Variants in CLVS1 observed in about 807,000 individuals in gnomAD.
CLVS1 encodes clavesin 1, also known as clavesin-1.
A neutral mutation model predicts 33.1 loss-of-function variants in CLVS1; 10 were observed. The observed-to-expected ratio is 0.30, with a 90% CI of 0.19 to 0.51. CLVS1 has a LOEUF of 0.51. Among genes scored for constraint, CLVS1 ranks in the 20% least tolerant of loss-of-function variants. The pLI is 0.97. For synonymous variants in CLVS1, 163 were observed against 166.1 expected (o/e 0.98, Z 0.14); for missense variants, 343 against 433.4 (o/e 0.79, Z 1.85).
chr8:61,127,344 A>G (rs928644470), intron 1 of CLVS1, among the ~76,000 whole-genome samples: 4 of 151,878 alleles, frequency 2.6e-5, no homozygotes, highest in Non-Finnish European at 4.4e-5. Context: ...CCTCCTGAGT[A>G]GAGTAGCTGG....
chr8:61,048,551 A>G, the CLVS1 span, among the ~76,000 whole-genome samples: 5 of 152,070 alleles, frequency 3.3e-5, no homozygotes, highest in East Asian at 3.9e-4. Context: ...TTCTCCCCCA[A>G]ATTTCCCTCA....
chr8:61,148,144 C>T (rs1806455573), intron 2 of CLVS1, among the ~76,000 whole-genome samples: 1 of 152,158 alleles, frequency 6.6e-6, no homozygotes, highest in South Asian at 2.1e-4. Flanking sequence ...TTCTTTGGGT[C>T]CTGAATGAAT....
chr8:60,999,218 CA>C, the CLVS1 span, among the ~76,000 whole-genome samples: 138 of 152,326 alleles, frequency 9.1e-4, no homozygotes, highest in Admixed American at 2.2e-3. Flanking sequence ...GCTTAGCGTG[CA>C]GTGCTACTAC....
chr8:61,045,835 T>G, the CLVS1 span, among the ~76,000 whole-genome samples: 7,406 of 152,292 alleles, frequency 0.049, 225 homozygotes, highest in South Asian at 0.075. Flanking sequence ...TTGGTCTTTT[T>G]ACGCTAATAG....
chr8:61,391,672 T>C (rs114338929), intron 3 of CLVS1, among the ~76,000 whole-genome samples: 5 of 152,180 alleles, frequency 3.3e-5, no homozygotes, highest in African/African-American at 1.2e-4. Flanking sequence ...AGAGGAGTAA[T>C]CCTTAATGCC....
At chr8:61,456,699 G>GAGGT (rs1162610643) in intron 4 of CLVS1, among the ~76,000 whole-genome samples, 1 of 151,822 alleles carries the variant, frequency 6.6e-6, no homozygotes, top group Non-Finnish European at 1.5e-5. Flanking sequence ...TGCGGATCAC[G>GAGGT]AGGTCAGGAG....
At chr8:61,377,984 C>A (rs183847895) in intron 3 of CLVS1, 1 of 152,332 alleles carries the variant, frequency 6.6e-6, no homozygotes, top group East Asian at 1.9e-4. Flanking sequence ...CTTCTGTGTT[C>A]TTTTCCATCA....
At chr8:61,119,618 T>C (rs1174547667) in intron 1 of CLVS1, among the ~76,000 whole-genome samples, 2 of 150,160 alleles carry the variant, frequency 1.3e-5, no homozygotes, top group Non-Finnish European at 2.9e-5. Context: ...ATTTGATTTC[T>C]CCTTCGCTTA....
chr8:61,163,609 G>A (rs1478734352), intron 2 of CLVS1, among the ~76,000 whole-genome samples: 1 of 152,174 alleles, frequency 6.6e-6, no homozygotes, highest in African/African-American at 2.4e-5. Context: ...TGTAACCTGG[G>A]GTTCTTGGCC....
the CLVS1 span, among the ~76,000 whole-genome samples, chr8:61,020,743 C>T: frequency 3.3e-5 from 5 of 152,232 alleles, no homozygotes; most frequent in African/African-American, 1.2e-4. Flanking sequence ...TCATGCTTAA[C>T]ATGGTGTCTG....
intron 3 of CLVS1, among the ~76,000 whole-genome samples, chr8:61,399,577 G>A (rs1276778637): frequency 6.6e-6 from 1 of 152,162 alleles, no homozygotes; most frequent in African/African-American, 2.4e-5. Flanking sequence ...TGTTGCAATT[G>A]CATCTGGCAT....
chr8:61,192,657 TCAAA>T (rs1194970727), intron 2 of CLVS1, among the ~76,000 whole-genome samples: 2 of 151,814 alleles, frequency 1.3e-5, no homozygotes, highest in Non-Finnish European at 2.9e-5. Context: ...TACAAAGAAC[TCAAA>T]CAAATTTACA....
At chr8:61,121,169 G>C (rs578007190) in intron 1 of CLVS1, among the ~76,000 whole-genome samples, 10 of 151,896 alleles carry the variant, frequency 6.6e-5, no homozygotes, top group Non-Finnish European at 1.3e-4. Context: ...TCTTTGACTC[G>C]GAAAGGGAAC....
chr8:61,455,253 A>G (rs1817107882), intron 4 of CLVS1, among the ~76,000 whole-genome samples: 1 of 151,846 alleles, frequency 6.6e-6, no homozygotes, highest in South Asian at 2.1e-4. Context: ...CAAATAAACA[A>G]TACAATATTA....
intron 2 of CLVS1, among the ~76,000 whole-genome samples, chr8:61,170,391 A>G (rs1450784153): frequency 2.0e-5 from 3 of 151,804 alleles, no homozygotes; most frequent in Admixed American, 6.6e-5. Flanking sequence ...TGCCTCTAAT[A>G]TTGGGCACTC....
intron 3 of CLVS1, among the ~76,000 whole-genome samples, chr8:61,420,609 GAA>G (rs972665907): frequency 6.9e-6 from 1 of 145,982 alleles, no homozygotes; most frequent in African/African-American, 2.5e-5. Flanking sequence ...CTCAAAAATA[GAA>G]AAAAAAGTCA....
intron 2 of CLVS1, among the ~76,000 whole-genome samples, chr8:61,360,309 T>C (rs903509447): frequency 3.3e-5 from 5 of 152,156 alleles, no homozygotes; most frequent in African/African-American, 1.2e-4. Context: ...ATTTGGGACC[T>C]AGATGATTCT....
chr8:61,253,100 T>C (rs1161544035), intron 2 of CLVS1, among the ~76,000 whole-genome samples: 1 of 152,212 alleles, frequency 6.6e-6, no homozygotes, highest in East Asian at 1.9e-4. Flanking sequence ...TCAGGAGCTC[T>C]TTTAGGGCAG....
At chr8:61,099,544 G>A (rs1370745045) in intron 1 of CLVS1, among the ~76,000 whole-genome samples, 1 of 152,178 alleles carries the variant, frequency 6.6e-6, no homozygotes, top group Non-Finnish European at 1.5e-5. Context: ...ATACAGTCAT[G>A]AGTGATTGTG....
Sources: allele counts gnomAD v4.1 joint callset (sites outside exome capture counted in the v4.1 genomes callset), GRCh38; gene constraint gnomAD v4.1.1; transcripts MANE v1.5; gene names NCBI Gene and HGNC (gene_info 2026-07-23, HGNC 2026-07-21).